Variants in PM20D2 observed in about 807,000 individuals in gnomAD.
PM20D2 encodes the protein xaa-Arg dipeptidase.
A neutral mutation model predicts 42.9 loss-of-function variants in PM20D2; 33 were observed. The ratio of observed to expected loss-of-function variants is 0.77; its 90% confidence interval spans 0.58 to 1.03. The LOEUF is 1.03. Among genes scored for constraint, PM20D2 ranks in the 50% least tolerant of loss-of-function variants. PM20D2 has a pLI of 0.00. For synonymous variants in PM20D2, 250 were observed against 228.2 expected, an observed-to-expected ratio of 1.10 and a Z score of -0.86; for missense variants, 548 against 557.0, an observed-to-expected ratio of 0.98 and a Z score of 0.16.
the PM20D2 span, among the ~76,000 whole-genome samples, chr6:89,099,506 A>G: frequency 0.025 from 1,393 of 56,178 alleles, 32 homozygotes; most frequent in African/African-American, 0.14. Context: ...ATATGTGTGT[A>G]TATATATATA....
Position 89,163,660 on chromosome 6 carries a change from A to G in PM20D2, c.*1397A>G, listed in dbSNP as rs1771320411. 6.6e-6 allele frequency: 1 copy of G among 152,208 alleles called. No homozygotes were observed. The highest frequency in any genetic ancestry group is 1.5e-5 in the Non-Finnish European group (1 of 68,044). The allele number at this position is 152,208 out of a possible 1,614,324, so 9.4% of individuals were successfully genotyped here. The stretch of plus-strand genomic sequence containing the variant: ...GCACCTGGCCCTGACCATTTTTTAA[A>G]AAGGTTAGGCTTAGTGCAAAGTTTA... On this transcript the variant is annotated 3_prime_UTR_variant, in exon 7 of 7. Transcript: ENST00000275072.
chr6:89,121,865 A>G, the PM20D2 span, among the ~76,000 whole-genome samples: 1 of 152,194 alleles, frequency 6.6e-6, no homozygotes, highest in Non-Finnish European at 1.5e-5. Context: ...CCTAAGAGAG[A>G]CTTTGATTTG....
chr6:89,142,650 AATTATT>A (rs555552169), upstream of PM20D2, among the ~76,000 whole-genome samples: 2 of 151,570 alleles, frequency 1.3e-5, no homozygotes, highest in Admixed American at 6.6e-5. Context: ...TTTCCCCCAC[AATTATT>A]ATTATTATTA....
chr6:89,098,506 G>A, the PM20D2 span: 1 of 1,492,360 alleles, frequency 6.7e-7, no homozygotes, highest in Admixed American at 2.3e-5. Context: ...ATGCCTTAAA[G>A]AATTTTTATT....
intron 4 of PM20D2, among the ~76,000 whole-genome samples, chr6:89,155,570 A>G (rs1771016390): frequency 1.3e-5 from 2 of 152,024 alleles, no homozygotes; most frequent in Non-Finnish European, 2.9e-5. Flanking sequence ...GATTATAGGC[A>G]TGAACCACCT....
At chr6:89,109,054 C>T in the PM20D2 span, among the ~76,000 whole-genome samples, 1 of 152,088 alleles carries the variant, frequency 6.6e-6, no homozygotes, top group Non-Finnish European at 1.5e-5. Flanking sequence ...CTACCATGTG[C>T]CAGGCTCTAG....
chr6:89,149,778 G>A (rs887439326), intron 2 of PM20D2, among the ~76,000 whole-genome samples: 3 of 152,198 alleles, frequency 2.0e-5, no homozygotes, highest in Non-Finnish European at 4.4e-5. Context: ...TTAGCTATGG[G>A]AAGAAACCAC....
chr6:89,111,949 G>C, the PM20D2 span, among the ~76,000 whole-genome samples: 1 of 152,166 alleles, frequency 6.6e-6, no homozygotes, highest in Non-Finnish European at 1.5e-5. Flanking sequence ...CAAAAGCAAA[G>C]ATATTATTTT....
the PM20D2 span, among the ~76,000 whole-genome samples, chr6:89,141,029 C>A: frequency 1.3e-5 from 2 of 152,054 alleles, no homozygotes; most frequent in African/African-American, 4.8e-5. Flanking sequence ...TTTAATTCCC[C>A]TCTGGGTATA....
chr6:89,147,548 C>T (rs1462081376), intron 1 of PM20D2, among the ~76,000 whole-genome samples: 2 of 151,904 alleles, frequency 1.3e-5, no homozygotes, highest in African/African-American at 4.8e-5. Context: ...TGCCATGTCA[C>T]AAACACTGGA....
the PM20D2 span, among the ~76,000 whole-genome samples, chr6:89,119,088 C>T: frequency 6.6e-6 from 1 of 152,182 alleles, no homozygotes; most frequent in African/African-American, 2.4e-5. Context: ...TAGCTCACAG[C>T]CCTCCCAGAG....
chr6:89,121,451 G>A, the PM20D2 span, among the ~76,000 whole-genome samples: 1 of 152,112 alleles, frequency 6.6e-6, no homozygotes, highest in South Asian at 2.1e-4. Context: ...TGATGAAGCT[G>A]TATTTTGTCT....
the PM20D2 span, among the ~76,000 whole-genome samples, chr6:89,138,515 A>T: frequency 6.6e-6 from 1 of 152,082 alleles, no homozygotes; most frequent in Non-Finnish European, 1.5e-5. Flanking sequence ...AAAAGATTTT[A>T]AAAAACGAAA....
At chr6:89,156,514 T>C (rs924629159) in intron 4 of PM20D2, among the ~76,000 whole-genome samples, 9 of 152,232 alleles carry the variant, frequency 5.9e-5, no homozygotes, top group Admixed American at 6.5e-5. Flanking sequence ...TCTGTTCTTA[T>C]TAGTCTAGAG....
At chr6:89,141,618 G>A (rs546482319), upstream of PM20D2, among the ~76,000 whole-genome samples, 1 of 152,184 alleles carries the variant, frequency 6.6e-6, no homozygotes, top group Admixed American at 6.5e-5. Context: ...CGCCCATCTC[G>A]GCCTCCCAAA....
upstream of PM20D2, chr6:89,145,961 C>T (rs896369459): frequency 3.7e-5 from 17 of 454,124 alleles, no homozygotes; most frequent in Non-Finnish European, 5.8e-5. Context: ...GTACGAGCGG[C>T]CGCCAGCGTT....
At chr6:89,142,143 T>C (rs1225762564), upstream of PM20D2, among the ~76,000 whole-genome samples, 1 of 152,124 alleles carries the variant, frequency 6.6e-6, no homozygotes, top group South Asian at 2.1e-4. Flanking sequence ...TCCTTAGCAA[T>C]GTGTTGTACA....
chr6:89,157,679 C>T (rs1158292598), intron 4 of PM20D2, among the ~76,000 whole-genome samples: 1 of 152,062 alleles, frequency 6.6e-6, no homozygotes, highest in Non-Finnish European at 1.5e-5. Context: ...TTTTGGGTCA[C>T]CTATGTCAGA....
the PM20D2 span, among the ~76,000 whole-genome samples, chr6:89,131,933 G>A: frequency 1.3e-5 from 2 of 152,176 alleles, no homozygotes; most frequent in Non-Finnish European, 2.9e-5. Context: ...GGGAAATGCT[G>A]CTTTCACAAA....
Sources: allele counts gnomAD v4.1 joint callset (sites outside exome capture counted in the v4.1 genomes callset), GRCh38; gene constraint gnomAD v4.1.1; transcripts MANE v1.5; gene names NCBI Gene and HGNC (gene_info 2026-07-23, HGNC 2026-07-21).